Variants in FAM120B observed in about 807,000 individuals in gnomAD.
FAM120B encodes constitutive coactivator of peroxisome proliferator-activated receptor gamma.
A neutral mutation model predicts 96.3 loss-of-function variants in FAM120B; 83 were observed. The ratio of observed to expected loss-of-function variants is 0.86; its 90% CI spans 0.72 to 1.03. The LOEUF is 1.03. FAM120B is among the 50% of genes least tolerant of loss of function. FAM120B has a pLI of 0.00. For synonymous variants in FAM120B, 407 were observed against 402.7 expected, an observed-to-expected ratio of 1.01 and a Z score of -0.13; for missense variants, 1,027 against 1,121.2, an observed-to-expected ratio of 0.92 and a Z score of 1.20.
chr6:170,348,079 A>G, intron 4 of FAM120B, 72 bp from the exon 5 acceptor site: 1 of 1,215,258 alleles, frequency 8.2e-7, no homozygotes, highest in Non-Finnish European at 1.2e-6. Context: ...CTTTTACTGT[A>G]TTTCTACAAG....
At chr6:170,301,610 G>A (rs777537994) in intron 1 of FAM120B, among the ~76,000 whole-genome samples, 8 of 152,072 alleles carry the variant, frequency 5.3e-5, no homozygotes, top group Non-Finnish European at 1.2e-4. Flanking sequence ...TTTATGCTCT[G>A]CTTCCTCTTG....
rs144063899 is a variant in FAM120B at position 170,403,530 on chromosome 6, G to A, written c.2693-1020G>A. Reference sequence around the variant, plus strand: ...AAGTTGTCAAGTTTCTGGAGCCTGAGTGTGTGGACAGGTAGGGGGTCCTGG... The same window carrying A: ...AAGTTGTCAAGTTTCTGGAGCCTGAATGTGTGGACAGGTAGGGGGTCCTGG... On this transcript the variant is annotated intron_variant, in intron 9 of 10. Transcript: ENST00000476287. Among the ~76,000 whole-genome samples the A allele has an allele frequency of 2.4e-3, 368 of 152,310 alleles. 1 individual carries two copies. The highest frequency in any genetic ancestry group is 8.5e-3 in the African/African-American group (355 of 41,568).
At chr6:170,380,704 T>C (rs968578855) in intron 6 of FAM120B, among the ~76,000 whole-genome samples, 1 of 152,244 alleles carries the variant, frequency 6.6e-6, no homozygotes, top group African/African-American at 2.4e-5. Flanking sequence ...TATTTGTTTT[T>C]TGCTGTCGAG....
chr6:170,369,196 A>T (rs1395521330), intron 6 of FAM120B, among the ~76,000 whole-genome samples: 1 of 150,920 alleles, frequency 6.6e-6, no homozygotes, highest in Non-Finnish European at 1.5e-5. Context: ...ATTAGTATTC[A>T]TATTTTTCCT....
chr6:170,338,599 G>C (rs1428092810), intron 4 of FAM120B, among the ~76,000 whole-genome samples: 2 of 151,986 alleles, frequency 1.3e-5, no homozygotes, highest in African/African-American at 2.4e-5. Flanking sequence ...TTGTCTCGTT[G>C]ATCTAATATT....
At chr6:170,298,628 T>C (rs1276221988) in intron 1 of FAM120B, among the ~76,000 whole-genome samples, 1 of 152,136 alleles carries the variant, frequency 6.6e-6, no homozygotes, top group Non-Finnish European at 1.5e-5. Flanking sequence ...AATTTATTCA[T>C]TGGGGGATCA....
At chr6:170,396,900 G>T (rs1778200225) in intron 9 of FAM120B, among the ~76,000 whole-genome samples, 1 of 152,250 alleles carries the variant, frequency 6.6e-6, no homozygotes, top group Non-Finnish European at 1.5e-5. Flanking sequence ...ACTGAAGCCT[G>T]GTGCTTTGGG....
At chr6:170,351,418 C>T (rs1787572334) in intron 5 of FAM120B, among the ~76,000 whole-genome samples, 1 of 152,052 alleles carries the variant, frequency 6.6e-6, no homozygotes, top group African/African-American at 2.4e-5. Flanking sequence ...CAAGATAGGC[C>T]AACATTCCAA....
At position 170,370,680 on chromosome 6, in the gene FAM120B, A is replaced by T. The variant is rs1279298491; in HGVS notation, c.2283+12362A>T. On this transcript the variant is annotated intron_variant, in intron 6 of 10. Coordinates refer to ENST00000476287, the MANE Select transcript of FAM120B (RefSeq NM_032448.3). The surrounding 1 kb of genome is among the most constrained non-coding windows in gnomAD (Gnocchi z 4.3). ...ACAGCAGAACTGCAGTCAGCAGTTC[A>T]GATATTACCTCACCGCATTTCTTAT... 6.6e-6 allele frequency among the ~76,000 whole-genome samples: 1 copy of T among 152,234 alleles called. No individual in the cohort carries two copies. Among genetic ancestry groups the T allele is most frequent in the Non-Finnish European group, 1.5e-5 (1 of 68,030 alleles).
intron 2 of FAM120B, among the ~76,000 whole-genome samples, chr6:170,319,627 A>C (rs965038593): frequency 3.9e-5 from 6 of 152,322 alleles, no homozygotes; most frequent in South Asian, 4.1e-4. Context: ...GAGATTCTCC[A>C]GCCTGGGCAA....
At chr6:170,298,459 A>G (rs1300931195) in intron 1 of FAM120B, 1 of 152,186 alleles carries the variant, frequency 6.6e-6, no homozygotes, top group African/African-American at 2.4e-5. Context: ...CCAATGAGGA[A>G]ACAGAACAGG....
Position 170,317,422 on chromosome 6 carries a change from G to C in FAM120B, c.32G>C (p.Gly11Ala). The C allele has an allele frequency of 6.2e-7, 1 of 1,611,844 alleles. No homozygotes were observed. Among genetic ancestry groups the C allele is most frequent in the Non-Finnish European group, 8.5e-7 (1 of 1,178,054 alleles). The change falls in exon 2 of 11, where the codon GGA (glycine) becomes GCA (alanine). Residue 11 changes from glycine (G) to alanine (A), a missense_variant. Coordinates refer to ENST00000476287, the MANE Select transcript of FAM120B (RefSeq NM_032448.3). MGVRGLQGFV[G>A]STCPHICTVV... ...GTGAGAGGTTTGCAAGGATTTGTGG[G>C]AAGTACCTGCCCACATATATGTACA...
chr6:170,395,230 G>A (rs1374252026), intron 8 of FAM120B, among the ~76,000 whole-genome samples: 1 of 152,142 alleles, frequency 6.6e-6, no homozygotes, highest in African/African-American at 2.4e-5. Context: ...TCAAGTCTTT[G>A]TTTGCAGAGT....
intron 1 of FAM120B, among the ~76,000 whole-genome samples, chr6:170,297,227 C>G (rs1303009485): frequency 1.3e-5 from 2 of 152,194 alleles, no homozygotes; most frequent in Admixed American, 1.3e-4. Context: ...CACGAATGTC[C>G]CCACGGGACC....
At chr6:170,356,224 A>G (rs1402947258) in intron 5 of FAM120B, among the ~76,000 whole-genome samples, 3 of 152,232 alleles carry the variant, frequency 2.0e-5, no homozygotes, top group Non-Finnish European at 4.4e-5. Flanking sequence ...AGACCTTTTA[A>G]GTAAAATCTC....
intron 4 of FAM120B, among the ~76,000 whole-genome samples, chr6:170,346,660 C>G (rs1787213517): frequency 6.6e-6 from 1 of 151,784 alleles, no homozygotes; most frequent in South Asian, 2.1e-4. Flanking sequence ...GCCTCAGTTG[C>G]TGTAATTGGA....
intron 5 of FAM120B, among the ~76,000 whole-genome samples, chr6:170,348,775 T>G (rs1787384687): frequency 6.6e-6 from 1 of 152,210 alleles, no homozygotes; most frequent in Non-Finnish European, 1.5e-5. Flanking sequence ...GTCAGTTTCA[T>G]TCCATCATCC....
At chr6:170,350,409 A>G (rs1012587150) in intron 5 of FAM120B, among the ~76,000 whole-genome samples, 1 of 152,204 alleles carries the variant, frequency 6.6e-6, no homozygotes, top group African/African-American at 2.4e-5. Context: ...CGGATGAGGG[A>G]GGGTCCCCCA....
At chr6:170,344,776 G>C (rs2115125040) in intron 4 of FAM120B, among the ~76,000 whole-genome samples, 2 of 152,280 alleles carry the variant, frequency 1.3e-5, no homozygotes, top group Middle Eastern at 6.8e-3. Flanking sequence ...TCCCACTGCT[G>C]CCAGAGTCCT....
Sources: gnomAD v4.1 joint callset for allele counts (sites outside exome capture counted in the v4.1 genomes callset) on GRCh38, gnomAD v4.1.1 for gene constraint, Gnocchi (gnomAD v3.1) non-coding constraint, MANE v1.5 for transcripts, NCBI Gene and HGNC (gene_info 2026-07-23, HGNC 2026-07-21) for gene names.